The following MAP4 variants were observed in gnomAD, a reference collection of about 807,000 sequenced individuals.
MAP4 encodes microtubule associated protein 4.
In MAP4, 76 loss-of-function variants were observed where a neutral mutation model predicts 170.2. The ratio of observed to expected loss-of-function variants is 0.45; its 90% CI spans 0.37 to 0.54. The LOEUF (loss-of-function observed/expected upper bound fraction) is 0.54, where lower values mean the gene tolerates loss of function less well. Ranked by LOEUF, MAP4 falls within the 20% of genes least tolerant of loss-of-function variation. The pLI is 0.00. For synonymous variants in MAP4, 909 were observed against 994.5 expected, an observed-to-expected ratio of 0.91 and a Z score of 1.62; for missense variants, 2,506 against 2,748.0, an observed-to-expected ratio of 0.91 and a Z score of 1.97.
At position 47,978,788 on chromosome 3, in the gene MAP4, C is replaced by G. The variant is rs926644771; in HGVS notation, c.224-855G>C. Among the ~76,000 whole-genome samples the G allele has an allele frequency of 2.0e-5, 3 of 148,542 alleles. No individual in the cohort carries two copies. In the Admixed American group the frequency reaches 2.0e-4, roughly 10 times the overall value. On this transcript the variant is annotated intron_variant, in intron 2 of 20. Coordinates refer to ENST00000683076, the MANE Select transcript of MAP4 (RefSeq NM_001385682.1). ...AAGGAAATTAGTTGTATCTTATTCC[C>G]TAATGACTAAGGATGTTGAGCATCT...
At position 47,851,061 on chromosome 3, in the gene MAP4, T is replaced by G. The variant is rs1360001158; in HGVS notation, c.*1873A>C. 6.6e-6 allele frequency: 1 copy of G among 152,304 alleles called. No homozygotes were observed. Among genetic ancestry groups the G allele is most frequent in the Non-Finnish European group, 1.5e-5 (1 of 68,092 alleles). The allele number at this position is 152,304 out of a possible 1,614,324, so 9.4% of individuals were successfully genotyped here. On this transcript the variant is annotated 3_prime_UTR_variant, in exon 21 of 21. Transcript: ENST00000683076. Reference sequence around the variant, plus strand: ...GGCAGCAGGTACTCTGGGCCTGTGCTGTTGCCCCTGAGGTGTCTCCTGACT... The same window carrying G: ...GGCAGCAGGTACTCTGGGCCTGTGCGGTTGCCCCTGAGGTGTCTCCTGACT...
At chr3:47,967,889 G>C (rs956587145) in intron 3 of MAP4, among the ~76,000 whole-genome samples, 16 of 151,934 alleles carry the variant, frequency 1.1e-4, no homozygotes, top group African/African-American at 3.6e-4. Context: ...CTTGAACCCA[G>C]AGTTCCAGGC....
At chr3:48,014,953 A>AT in intron 1 of MAP4, among the ~76,000 whole-genome samples, 1 of 152,290 alleles carries the variant, frequency 6.6e-6, no homozygotes, top group East Asian at 1.9e-4. Context: ...TTATGGCAAC[A>AT]TGGGAACTTT....
chr3:47,982,201 A>T (rs2100085798), intron 2 of MAP4, among the ~76,000 whole-genome samples: 1 of 152,212 alleles, frequency 6.6e-6, no homozygotes, highest in Non-Finnish European at 1.5e-5. Context: ...AGACTGATAA[A>T]TTTCCTCTGG....
intron 10 of MAP4, among the ~76,000 whole-genome samples, chr3:47,881,214 C>T (rs986720469): frequency 4.6e-5 from 7 of 151,612 alleles, no homozygotes; most frequent in Admixed American, 4.6e-4. Context: ...CTTTGGGAGG[C>T]TGAGGCAGAG....
intron 1 of MAP4, among the ~76,000 whole-genome samples, chr3:48,076,198 T>C (rs2100143790): frequency 6.6e-6 from 1 of 150,744 alleles, no homozygotes; most frequent in African/African-American, 2.4e-5. Flanking sequence ...CTGGACAACA[T>C]AGTAAGACCA....
intron 4 of MAP4, among the ~76,000 whole-genome samples, chr3:47,925,903 G>A (rs1328116984): frequency 1.3e-5 from 2 of 152,216 alleles, no homozygotes; most frequent in Non-Finnish European, 2.9e-5. Flanking sequence ...TGCCCAAGCT[G>A]GAGTACAATG....
At chr3:47,858,756 T>C (rs1404099900) in intron 17 of MAP4, among the ~76,000 whole-genome samples, 1 of 151,322 alleles carries the variant, frequency 6.6e-6, no homozygotes, top group Admixed American at 6.6e-5. Context: ...AGATCACCTG[T>C]GGCTAGGAGT....
At position 47,876,135 on chromosome 3, in the gene MAP4, TC is replaced by T. The variant is rs367697072; in HGVS notation, c.5542-236del. Among the ~76,000 whole-genome samples, 282 of 60,832 alleles carry T rather than the reference TC, an allele frequency of 4.6e-3. 13 individuals carry two copies. The highest frequency in any genetic ancestry group is 0.021 in the African/African-American group (211 of 9,828). 39.9% of individuals were successfully genotyped at this position (60,832 alleles called of 152,430 possible). The stretch of plus-strand genomic sequence containing the variant: ...GGAATAGTTTCTTTTTCTTTTTCTT[TC>T]TTTTTTTTTTTTTTTGAGATGGAGT... On this transcript the variant is annotated intron_variant, in intron 11 of 20. Coordinates refer to ENST00000683076, the MANE Select transcript of MAP4 (RefSeq NM_001385682.1).
chr3:48,034,055 C>T (rs1688513360), intron 1 of MAP4, among the ~76,000 whole-genome samples: 1 of 152,176 alleles, frequency 6.6e-6, no homozygotes, highest in South Asian at 2.1e-4. Flanking sequence ...CTACACGTGG[C>T]CAACCAGAGT....
At chr3:47,906,173 T>G (rs1045439855) in intron 9 of MAP4, among the ~76,000 whole-genome samples, 3 of 151,520 alleles carry the variant, frequency 2.0e-5, no homozygotes, top group African/African-American at 7.3e-5. Flanking sequence ...TGTACCTTTC[T>G]CTACAAGGGA....
chr3:47,971,379 T>C (rs2100078653), intron 3 of MAP4, among the ~76,000 whole-genome samples: 1 of 152,220 alleles, frequency 6.6e-6, no homozygotes, highest in South Asian at 2.1e-4. Context: ...TTTTTGGTGC[T>C]TTTGCATTTT....
chr3:47,975,538 A>G, intron 3 of MAP4: 1 of 965,284 alleles, frequency 1.0e-6, no homozygotes, highest in Non-Finnish European at 1.6e-6. Context: ...ACAGGTCATT[A>G]GTAAACAGCA....
intron 1 of MAP4, among the ~76,000 whole-genome samples, chr3:48,062,206 C>A: frequency 6.9e-6 from 1 of 145,602 alleles, no homozygotes; most frequent in South Asian, 2.2e-4. Context: ...ACCCCCAACC[C>A]GGTGCTCTCT....
At chr3:47,991,760 C>T (rs1056610643) in intron 2 of MAP4, among the ~76,000 whole-genome samples, 10 of 151,898 alleles carry the variant, frequency 6.6e-5, no homozygotes, top group Non-Finnish European at 1.3e-4. Context: ...CTCTGCCTCC[C>T]GGGTTCAAGT....
intron 10 of MAP4, chr3:47,890,946 C>A: frequency 2.5e-6 from 3 of 1,219,510 alleles, no homozygotes; most frequent in Non-Finnish European, 3.3e-6. Context: ...CTGCTTAGTG[C>A]TCTGCCGGTA....
chr3:47,958,737 G>A (rs1445638469), intron 3 of MAP4, among the ~76,000 whole-genome samples: 1 of 148,798 alleles, frequency 6.7e-6, no homozygotes, highest in African/African-American at 2.5e-5. Flanking sequence ...AGGATGGAGT[G>A]CAGCGGCAAG....
chr3:47,976,367 A>G (rs1028050568), intron 3 of MAP4, among the ~76,000 whole-genome samples: 5 of 152,194 alleles, frequency 3.3e-5, no homozygotes, highest in African/African-American at 1.2e-4. Context: ...CTGGTCAGGC[A>G]TGACTTCCTA....
intron 3 of MAP4, among the ~76,000 whole-genome samples, chr3:47,950,269 A>G (rs1253432550): frequency 6.6e-6 from 1 of 152,152 alleles, no homozygotes; most frequent in Non-Finnish European, 1.5e-5. Flanking sequence ...CCTTGTTCAA[A>G]TTGCAATATT....
Sources: gnomAD v4.1 joint callset for allele counts (sites outside exome capture counted in the v4.1 genomes callset) on GRCh38, gnomAD v4.1.1 for gene constraint, MANE v1.5 for transcripts, NCBI Gene and HGNC (gene_info 2026-07-23, HGNC 2026-07-21) for gene names.